TAF8: variants seen among roughly 807,000 people sequenced by gnomAD.
TAF8 encodes TATA-box binding protein associated factor 8.
A neutral mutation model predicts 36.5 loss-of-function variants in TAF8; 47 were observed. The observed-to-expected ratio is 1.29, with a 90% CI of 1.02 to 1.64. The LOEUF is 1.64. TAF8 is among the 40% of genes most tolerant of loss of function. TAF8 has a pLI of 0.00. For missense variants in TAF8, 420 were observed against 407.6 expected (o/e 1.03, Z -0.26); for synonymous variants, 175 against 159.5 (o/e 1.10, Z -0.73).
intron 2 of TAF8, 142 bp from the exon 3 acceptor site, chr6:42,055,389 G>A: frequency 1.6e-6 from 1 of 627,766 alleles, no homozygotes; most frequent in Admixed American, 2.6e-5. Flanking sequence ...GTGAACATTG[G>A]TGTACTAGTA....
rs373936922 is a variant in TAF8, at chr6:42,077,204, G to C, written c.885G>C (p.Leu295=). 37 of 1,613,982 alleles carry C rather than the reference G, an allele frequency of 2.3e-5. No individual in the cohort carries two copies. The highest frequency in any genetic ancestry group is 3.1e-5 in the Non-Finnish European group (36 of 1,179,976). The change falls in exon 8 of 9, where the codon CTG becomes CTC. Residue 295 remains leucine (L), a synonymous_variant. Transcript: ENST00000372977. Reference sequence around the variant, plus strand: ...AGAACATCATCGATAACCCTTATCTGCGGCCGGTGAAGAAGCCCAAGATCC... The same window carrying C: ...AGAACATCATCGATAACCCTTATCTCCGGCCGGTGAAGAAGCCCAAGATCC... ...GEENIIDNPY[L]RPVKKPKIRR... is the part of the protein sequence containing the mutation.
intron 6 of TAF8, among the ~76,000 whole-genome samples, chr6:42,066,762 A>G (rs959668554): frequency 1.3e-5 from 2 of 152,214 alleles, no homozygotes; most frequent in African/African-American, 4.8e-5. Flanking sequence ...GAACATTGGC[A>G]TCAGGGGCCA....
intron 7 of TAF8, among the ~76,000 whole-genome samples, chr6:42,073,191 A>G (rs1043136875): frequency 2.0e-5 from 3 of 152,218 alleles, no homozygotes; most frequent in Admixed American, 2.0e-4. Flanking sequence ...TGTATAATAG[A>G]TTCTTTTCTC....
At chr6:42,084,526 G>A (rs1013881438), downstream of TAF8, among the ~76,000 whole-genome samples, 2 of 152,076 alleles carry the variant, frequency 1.3e-5, no homozygotes, top group East Asian at 3.9e-4. Context: ...GCAGTGGTGC[G>A]ATCTCGGCTC....
intron 8 of TAF8, 62 bp from the exon 9 acceptor site, chr6:42,077,471 C>T (rs937802742): frequency 1.2e-6 from 2 of 1,601,028 alleles, no homozygotes; most frequent in Non-Finnish European, 1.7e-6. Flanking sequence ...GAGCAGTTTT[C>T]CCCTAGAAGG....
At chr6:42,052,317 GC>G (rs59000289) in intron 2 of TAF8, among the ~76,000 whole-genome samples, 48,492 of 138,440 alleles carry the variant, frequency 0.35, 8,097 homozygotes, top group South Asian at 0.43. Context: ...AAGGGGAAAA[GC>G]CCCCCCCCCC....
chr6:42,055,866 T>A, intron 3 of TAF8, 86 bp from the exon 4 acceptor site: 1 of 964,850 alleles, frequency 1.0e-6, no homozygotes, highest in East Asian at 2.4e-5. Context: ...GTTGAGAGTT[T>A]AAGCCATTTG....
At chr6:42,068,212 A>G (rs931034669) in intron 6 of TAF8, among the ~76,000 whole-genome samples, 13 of 152,200 alleles carry the variant, frequency 8.5e-5, no homozygotes, top group African/African-American at 3.1e-4. Context: ...CCATTCTGCC[A>G]TTTTTAGCAT....
rs1765867321 is a variant in TAF8 at position 42,079,783 on chromosome 6, G to T, written c.*2238G>T. 23 of 888,570 alleles carry T rather than the reference G, an allele frequency of 2.6e-5. No homozygotes were observed. Among genetic ancestry groups the T allele is most frequent in the Non-Finnish European group, 3.1e-5 (23 of 742,372 alleles). 55.0% of individuals were successfully genotyped at this position (888,570 alleles called of 1,614,324 possible). On this transcript the variant is annotated 3_prime_UTR_variant, in exon 9 of 9. Coordinates refer to ENST00000372977, the MANE Select transcript of TAF8 (RefSeq NM_138572.3). ...TGCCCAGGCTGGTCTTGAACTCCTG[G>T]CCTCAAGTGATCCACCCGCCTTGGC... is the stretch of plus-strand genomic sequence containing the variant.
At chr6:42,061,867 A>T (rs1765200088) in intron 5 of TAF8, among the ~76,000 whole-genome samples, 1 of 152,204 alleles carries the variant, frequency 6.6e-6, no homozygotes, top group South Asian at 2.1e-4. Flanking sequence ...CAAAGGTTTA[A>T]AACACTGGAT....
At chr6:42,086,390 G>A (rs574740448), downstream of TAF8, among the ~76,000 whole-genome samples, 135 of 152,260 alleles carry the variant, frequency 8.9e-4, no homozygotes, top group Admixed American at 1.4e-3. Context: ...TTTGAAATAC[G>A]GTGTCCTCAT....
Position 42,078,216 on chromosome 6 carries a change from T to C in TAF8, c.*671T>C, listed in dbSNP as rs1489669915. The C allele has an allele frequency of 1.0e-6, 1 of 985,624 alleles. No individual in the cohort carries two copies. Among genetic ancestry groups the C allele is most frequent in the African/African-American group, 1.7e-5 (1 of 57,366 alleles). The allele number at this position is 985,624 out of a possible 1,614,324, so 61.1% of individuals were successfully genotyped here. Reference sequence around the variant, plus strand: ...GAGACTTTCTTAATCAATCAGGCTATGTGGTGGGGCATAGCAGCAGCCAGT... The same window carrying C: ...GAGACTTTCTTAATCAATCAGGCTACGTGGTGGGGCATAGCAGCAGCCAGT... On this transcript the variant is annotated 3_prime_UTR_variant, in exon 9 of 9. Transcript: ENST00000372977.
chr6:42,073,126 T>C (rs1259485990), intron 7 of TAF8, among the ~76,000 whole-genome samples: 3 of 152,246 alleles, frequency 2.0e-5, no homozygotes, highest in Non-Finnish European at 4.4e-5. Context: ...AGTTTCTCCA[T>C]GTACTTGAAC....
At chr6:42,053,586 A>G (rs368403664) in intron 2 of TAF8, among the ~76,000 whole-genome samples, 3 of 151,816 alleles carry the variant, frequency 2.0e-5, no homozygotes, top group African/African-American at 7.3e-5. Flanking sequence ...AAAGAAAAAA[A>G]AAGAAGAAGA....
chr6:42,076,058 CT>C (rs1172137430), intron 7 of TAF8, among the ~76,000 whole-genome samples: 1 of 151,766 alleles, frequency 6.6e-6, no homozygotes, highest in Non-Finnish European at 1.5e-5. Context: ...AAATAAAAAA[CT>C]TAGCGGGATG....
intron 5 of TAF8, among the ~76,000 whole-genome samples, chr6:42,064,811 G>C (rs1392653084): frequency 6.6e-6 from 1 of 151,020 alleles, no homozygotes; most frequent in African/African-American, 2.4e-5. Context: ...AAAAAAATTA[G>C]CCAGGAGTGG....
chr6:42,066,827 A>G (rs973186064), intron 6 of TAF8, among the ~76,000 whole-genome samples: 1 of 152,138 alleles, frequency 6.6e-6, no homozygotes, highest in African/African-American at 2.4e-5. Flanking sequence ...TTGGCATCTC[A>G]GCACTATTTG....
chr6:42,077,167 G>C lies in TAF8; in HGVS notation c.848G>C (p.Arg283Pro). 1 of 1,614,132 alleles carries C rather than the reference G, an allele frequency of 6.2e-7. No homozygotes were observed. Among genetic ancestry groups the C allele is most frequent in the Non-Finnish European group, 8.5e-7 (1 of 1,180,000 alleles). ...LQQNPSLSGSRNGEENIIDNP... is the reference protein window; with the variant it reads ...LQQNPSLSGSPNGEENIIDNP... ...CAGAACCCCTCCTTGTCGGGTAGCC[G>C]GAATGGGGAGGAGAACATCATCGAT... Residue 283 changes from arginine (R) to proline (P), a missense_variant, in exon 8 of 9, where the codon CGG (arginine) becomes CCG (proline). Coordinates refer to ENST00000372977, the MANE Select transcript of TAF8 (RefSeq NM_138572.3).
intron 5 of TAF8, 96 bp downstream of exon 5, chr6:42,057,609 A>T: frequency 2.0e-6 from 3 of 1,518,470 alleles, no homozygotes; most frequent in Non-Finnish European, 2.7e-6. Flanking sequence ...AAGCTTGTTG[A>T]TGAAAGAGTG....
Sources: gnomAD v4.1 joint callset for allele counts (sites outside exome capture counted in the v4.1 genomes callset) on GRCh38, gnomAD v4.1.1 for gene constraint, MANE v1.5 for transcripts, NCBI Gene and HGNC (gene_info 2026-07-23, HGNC 2026-07-21) for gene names.